Variants in PCNX1 observed in about 807,000 individuals in gnomAD.
PCNX1 encodes pecanex 1, also known as pecanex-like protein 1.
PCNX1 carries 78 observed loss-of-function variants against 242.2 expected under a neutral mutation model. The ratio of observed to expected loss-of-function variants is 0.32; its 90% CI spans 0.27 to 0.39. PCNX1 has a LOEUF of 0.39. Among genes scored for constraint, PCNX1 ranks in the 10% least tolerant of loss-of-function variants. The pLI is 1.00. For synonymous variants in PCNX1, 1,024 were observed against 1,032.9 expected, an observed-to-expected ratio of 0.99 and a Z score of 0.17; for missense variants, 2,581 against 2,856.5, an observed-to-expected ratio of 0.90 and a Z score of 2.20.
intron 1 of PCNX1, among the ~76,000 whole-genome samples, chr14:70,924,952 T>C (rs1263058561): frequency 6.6e-6 from 1 of 152,086 alleles, no homozygotes; most frequent in Non-Finnish European, 1.5e-5. Context: ...GATATGCAAT[T>C]ATATTTGTAA....
intron 1 of PCNX1, chr14:70,942,743 T>C (rs2057303809): frequency 6.6e-6 from 1 of 152,210 alleles, no homozygotes; most frequent in South Asian, 2.1e-4. Flanking sequence ...TCCAAGCCTT[T>C]TGGGTTTTTA....
chr14:70,977,581 CAG>C lies in PCNX1; in HGVS notation c.1247_1248del (p.Glu416AlafsTer2). Reference sequence around the variant, plus strand: ...TCAACTCACATAGAGAGCATCCTGTCAGAGCATGAGGAGTCTCCTAAAGCAGG... The same window carrying C: ...TCAACTCACATAGAGAGCATCCTGTCAGCATGAGGAGTCTCCTAAAGCAGG... On this transcript the variant is annotated frameshift_variant, in exon 6 of 36. Coordinates refer to ENST00000304743, the MANE Select transcript of PCNX1 (RefSeq NM_014982.3). LOFTEE classifies it high-confidence loss of function. 1 of 1,614,140 alleles carries C rather than the reference CAG, an allele frequency of 6.2e-7. No individual in the cohort carries two copies. The highest frequency in any genetic ancestry group is 8.5e-7 in the Non-Finnish European group (1 of 1,180,026).
intron 3 of PCNX1, among the ~76,000 whole-genome samples, chr14:70,963,344 T>G (rs1238102340): frequency 1.3e-5 from 2 of 152,200 alleles, no homozygotes; most frequent in Non-Finnish European, 2.9e-5. Flanking sequence ...CTTTTTTTCT[T>G]CTGTCTTATA....
In PCNX1 at chr14:71,109,891, A is replaced by T; in HGVS notation, c.6982A>T (p.Thr2328Ser). 6.2e-7 allele frequency: 1 copy of T among 1,613,010 alleles called. No homozygotes were observed. The highest frequency in any genetic ancestry group is 8.5e-7 in the Non-Finnish European group (1 of 1,179,062). ...GGTCCAGATTGATGATAAATATGTG[A>T]CTGTAATTGAAACTGGGGTACTAGA... ...LLVQIDDKYV[T>S]VIETGVLELG... Residue 2328 changes from threonine (T) to serine (S), a missense_variant, in exon 36 of 36, where the codon ACT (threonine) becomes TCT (serine). Around this residue, in one of 9 missense-constraint regions of PCNX1, gnomAD observed 432 missense variants for 433.6 expected, o/e 1.00. Transcript: ENST00000304743.
chr14:70,910,031 CCCTCCTCCT>C (rs146962491), intron 1 of PCNX1, among the ~76,000 whole-genome samples: 2 of 9,652 alleles, frequency 2.1e-4, no homozygotes, highest in Non-Finnish European at 4.9e-4. Context: ...GACGACTCCT[CCCTCCTCCT>C]CCTCCTCCTC....
At chr14:70,959,253 A>G (rs1423990114) in intron 2 of PCNX1, among the ~76,000 whole-genome samples, 1 of 149,358 alleles carries the variant, frequency 6.7e-6, no homozygotes, top group Non-Finnish European at 1.5e-5. Context: ...TTATACTTTA[A>G]GTTTTAGGGT....
intron 7 of PCNX1, among the ~76,000 whole-genome samples, chr14:70,994,088 A>T (rs1386526963): frequency 1.3e-5 from 2 of 152,154 alleles, no homozygotes; most frequent in Non-Finnish European, 1.5e-5. Flanking sequence ...TGTTGTGTGC[A>T]TTCCTATCCT....
Position 71,068,591 on chromosome 14 carries a change from C to CGTGCGTGT in PCNX1, c.4853-4951_4853-4950insCGTGTGTG, listed in dbSNP as rs1555373195. ...GACTTTTTAGGTTTGTATGTACGTG[C>CGTGCGTGT]GTGTGTGTGTGTGTGTGTGTGTGTG... On this transcript the variant is annotated intron_variant, in intron 26 of 35. Coordinates refer to ENST00000304743, the MANE Select transcript of PCNX1 (RefSeq NM_014982.3). Among the ~76,000 whole-genome samples, 1,045 of 124,000 alleles carry CGTGCGTGT rather than the reference C, an allele frequency of 8.4e-3. 6 individuals are homozygous for CGTGCGTGT. The highest frequency in any genetic ancestry group is 0.012 in the Non-Finnish European group (755 of 61,878). The allele number at this position is 124,000 out of a possible 152,430, so 81.3% of individuals were successfully genotyped here. A position where few individuals can be genotyped will look rare whatever the true frequency, so the allele number is the denominator to read the frequency against.
At chr14:71,019,500 C>A (rs2060041477) in intron 12 of PCNX1, among the ~76,000 whole-genome samples, 1 of 152,188 alleles carries the variant, frequency 6.6e-6, no homozygotes, top group South Asian at 2.1e-4. Flanking sequence ...CTCCCAGGTT[C>A]AAGTGATTCT....
Position 71,055,581 on chromosome 14 carries a change from AC to A in PCNX1, c.4636+20del, listed in dbSNP as rs1343321621. On this transcript the variant is annotated intron_variant, in intron 25 of 35. Transcript: ENST00000304743. ...AATCCAGGTAATAGCTCTATTTGTG[AC>A]TAAGGAGGCAAGACTAAGGATTTGT... The A allele has an allele frequency of 6.6e-7, 1 of 1,518,908 alleles. No homozygotes were observed. The highest frequency in any genetic ancestry group is 9.1e-7 in the Non-Finnish European group (1 of 1,096,896). 94.1% of individuals were successfully genotyped at this position (1,518,908 alleles called of 1,614,324 possible).
intron 26 of PCNX1, among the ~76,000 whole-genome samples, chr14:71,069,152 T>A (rs1041299134): frequency 6.6e-6 from 1 of 152,128 alleles, no homozygotes; most frequent in Non-Finnish European, 1.5e-5. Flanking sequence ...CTCTTGAGAC[T>A]TACTTACTAC....
intron 30 of PCNX1, among the ~76,000 whole-genome samples, chr14:71,094,065 C>T (rs1441363332): frequency 6.6e-6 from 1 of 152,110 alleles, no homozygotes; most frequent in Non-Finnish European, 1.5e-5. Flanking sequence ...GGGATAGGCA[C>T]CCCAACCCCT....
chr14:70,916,014 T>C (rs893655154), intron 1 of PCNX1, among the ~76,000 whole-genome samples: 2 of 152,172 alleles, frequency 1.3e-5, no homozygotes, highest in African/African-American at 4.8e-5. Context: ...TTGAGGTTCA[T>C]CTTTTATGAT....
chr14:71,033,510 C>A lies in PCNX1; in HGVS notation c.3640C>A (p.Arg1214=). Residue 1214 remains arginine, a synonymous_variant, in exon 17 of 36, where the codon CGA becomes AGA. Coordinates refer to ENST00000304743, the MANE Select transcript of PCNX1 (RefSeq NM_014982.3). ...LLVAVSYHLS[R]QSSDPSVLFS... ...AGTGGCAGTGTCTTACCATCTCAGCCGACAAAGCAGTGATCCATCTGTACT... is the reference window on the plus strand; with the variant it reads ...AGTGGCAGTGTCTTACCATCTCAGCAGACAAAGCAGTGATCCATCTGTACT... 2 of 1,596,766 alleles carry A rather than the reference C, an allele frequency of 1.3e-6. No individual in the cohort carries two copies. Among genetic ancestry groups the A allele is most frequent in the Non-Finnish European group, 1.7e-6 (2 of 1,164,624 alleles).
chr14:70,981,378 AAAAAT>A (rs2058835368), intron 6 of PCNX1, among the ~76,000 whole-genome samples: 2 of 152,208 alleles, frequency 1.3e-5, no homozygotes, highest in Admixed American at 1.3e-4. Flanking sequence ...ACTCAATAGT[AAAAAT>A]AAAAAATTCT....
chr14:71,032,118 G>C, intron 16 of PCNX1: 1 of 584,620 alleles, frequency 1.7e-6, no homozygotes, highest in Non-Finnish European at 3.1e-6. Context: ...GCTCAAGAGA[G>C]GGTCTCCCAG....
intron 8 of PCNX1, among the ~76,000 whole-genome samples, chr14:70,996,846 G>T (rs888639824): frequency 1.3e-5 from 2 of 152,180 alleles, no homozygotes; most frequent in African/African-American, 2.4e-5. Context: ...CCCAAATTAG[G>T]ATTTAATAAA....
rs1193072101 is a variant in PCNX1, at chr14:71,026,215, A to C, written c.3282A>C (p.Ala1094=). 3 of 1,611,278 alleles carry C rather than the reference A, an allele frequency of 1.9e-6. No individual in the cohort carries two copies. The African/African-American group carries it at 4.0e-5, about 22-fold the overall frequency. Residue 1094 remains alanine, a synonymous_variant, in exon 14 of 36, where the codon GCA becomes GCC. Coordinates refer to ENST00000304743, the MANE Select transcript of PCNX1 (RefSeq NM_014982.3). Reference sequence around the variant, plus strand: ...ATTATGGTAGCAGAAACCTGACTGCAACCAAGTTCAAATTATATGGAATAA... The same window carrying C: ...ATTATGGTAGCAGAAACCTGACTGCCACCAAGTTCAAATTATATGGAATAA... The part of the protein sequence containing the change: ...LLDYGSRNLT[A]TKFKLYGITF...
At chr14:71,035,925 ACTT>A (rs1189599402) in intron 18 of PCNX1, 137 bp from the exon 19 acceptor site, 10 of 579,778 alleles carry the variant, frequency 1.7e-5, no homozygotes, top group African/African-American at 3.8e-5. Context: ...ATCAATGAAA[ACTT>A]CTTTTTTTTT....
Sources: gnomAD v4.1 joint callset for allele counts (sites outside exome capture counted in the v4.1 genomes callset) on GRCh38, gnomAD v4.1.1 for gene constraint, gnomAD v4.1.1 regional missense constraint, MANE v1.5 for transcripts, NCBI Gene and HGNC (gene_info 2026-07-23, HGNC 2026-07-21) for gene names.